KRABD5: variants seen among roughly 807,000 people sequenced by gnomAD.
KRABD5 encodes KRAB domain-containing protein 5.
the KRABD5 span, among the ~76,000 whole-genome samples, chr16:31,753,156 G>A: frequency 6.6e-6 from 1 of 152,106 alleles, no homozygotes; most frequent in Non-Finnish European, 1.5e-5. Flanking sequence ...TCATACTGTT[G>A]TCAGGATGTT....
At chr16:31,723,917 G>C in the KRABD5 span, among the ~76,000 whole-genome samples, 1 of 152,114 alleles carries the variant, frequency 6.6e-6, no homozygotes, top group African/African-American at 2.4e-5. Flanking sequence ...AAAAAAATCT[G>C]ATTCTGTATT....
chr16:31,731,055 T>G, the KRABD5 span, among the ~76,000 whole-genome samples: 1 of 152,238 alleles, frequency 6.6e-6, no homozygotes, highest in Non-Finnish European at 1.5e-5. Context: ...TTGGAGATGA[T>G]TACTATGGCT....
At chr16:31,715,985 C>G in the KRABD5 span, among the ~76,000 whole-genome samples, 13 of 152,198 alleles carry the variant, frequency 8.5e-5, no homozygotes, top group African/African-American at 2.7e-4. Flanking sequence ...CCCCTGCCCC[C>G]ACTGTGCTGC....
At chr16:31,751,795 C>G in the KRABD5 span, among the ~76,000 whole-genome samples, 2 of 152,238 alleles carry the variant, frequency 1.3e-5, no homozygotes, top group South Asian at 4.1e-4. Context: ...TATTTCTATT[C>G]TTCTACATTT....
Sources: gnomAD v4.1 joint callset for allele counts (sites outside exome capture counted in the v4.1 genomes callset) on GRCh38, gnomAD v4.1.1 for gene constraint, MANE v1.5 for transcripts, NCBI Gene and HGNC (gene_info 2026-07-23, HGNC 2026-07-21) for gene names.